Variants in COG7 observed in about 807,000 individuals in gnomAD.
COG7 encodes the protein conserved oligomeric Golgi complex subunit 7.
COG7 carries 49 observed loss-of-function variants against 91.5 expected under a neutral mutation model. The observed-to-expected ratio is 0.54, with a 90% CI of 0.43 to 0.68. The LOEUF is 0.68. Ranked by LOEUF, COG7 falls within the 30% of genes least tolerant of loss-of-function variation. COG7 has a pLI of 0.00. For missense variants in COG7, 895 were observed against 961.3 expected (o/e 0.93, Z 0.91); for synonymous variants, 365 against 388.7 (o/e 0.94, Z 0.72).
rs1406303301 is a variant in COG7, at chr16:23,388,824, T to G, written c.*96A>C. 1.3e-6 allele frequency: 2 copies of G among 1,593,374 alleles called. No homozygotes were observed. Among genetic ancestry groups the G allele is most frequent in the Non-Finnish European group, 1.7e-6 (2 of 1,171,486 alleles). On this transcript the variant is annotated 3_prime_UTR_variant, in exon 17 of 17. Transcript: ENST00000307149. ...TGAACCAAGTCTTTTTAAAGTAACT[T>G]CTGCCCAATCTTGGGCAGAGTTTCT...
intron 14 of COG7, among the ~76,000 whole-genome samples, chr16:23,394,238 C>T (rs566081152): frequency 6.6e-6 from 1 of 152,124 alleles, no homozygotes; most frequent in East Asian, 1.9e-4. Flanking sequence ...ATAGACAAAA[C>T]CTTGGCTGGT....
At chr16:23,428,399 A>G (rs1329333117) in intron 6 of COG7, among the ~76,000 whole-genome samples, 1 of 152,074 alleles carries the variant, frequency 6.6e-6, no homozygotes, top group African/African-American at 2.4e-5. Context: ...TCAATAATAA[A>G]AAGGCAAATA....
At chr16:23,443,452 G>A (rs912539160) in intron 3 of COG7, among the ~76,000 whole-genome samples, 6 of 152,204 alleles carry the variant, frequency 3.9e-5, no homozygotes, top group Non-Finnish European at 1.5e-5. Flanking sequence ...CAGCACTTTG[G>A]GAGGCCAAGG....
chr16:23,429,640 C>T (rs250552), intron 6 of COG7, among the ~76,000 whole-genome samples: 44,721 of 151,734 alleles, frequency 0.29, 7,590 homozygotes, highest in African/African-American at 0.47. Flanking sequence ...GGTGTGTGCC[C>T]GTAATCCCAG....
At chr16:23,432,572 A>G (rs1963951430) in intron 6 of COG7, among the ~76,000 whole-genome samples, 1 of 152,240 alleles carries the variant, frequency 6.6e-6, no homozygotes, top group Non-Finnish European at 1.5e-5. Context: ...GTAAGTCATT[A>G]CTGCAAAGTA....
chr16:23,392,466 C>T lies in COG7; in HGVS notation c.2060G>A (p.Arg687Lys). 1 of 1,614,206 alleles carries T rather than the reference C, an allele frequency of 6.2e-7. No homozygotes were observed. The highest frequency in any genetic ancestry group is 8.5e-7 in the Non-Finnish European group (1 of 1,180,046). ...MADNWLGSIA[R>K]ATMQTYCDAI... is the part of the protein sequence containing the mutation. Reference sequence around the variant, plus strand: ...ATCACAGTAGGTCTGCATTGTGGCTCTGGCGATCGAGCCCAGCCAGTTGTC... The same window carrying T: ...ATCACAGTAGGTCTGCATTGTGGCTTTGGCGATCGAGCCCAGCCAGTTGTC... Residue 687 changes from arginine (R) to lysine (K), a missense_variant, in exon 16 of 17, where the codon AGA becomes AAA. By Grantham distance (26) the Arg-to-Lys change is conservative. Transcript: ENST00000307149.
At chr16:23,392,070 T>C (rs1963206120) in intron 16 of COG7, 4 of 1,282,020 alleles carry the variant, frequency 3.1e-6, no homozygotes, top group Admixed American at 3.3e-5. Flanking sequence ...TTGGGAATTA[T>C]GGCACAAATG....
chr16:23,445,291 C>G (rs2142095928), intron 2 of COG7, 127 bp from the exon 3 acceptor site: 2 of 776,098 alleles, frequency 2.6e-6, no homozygotes, highest in Non-Finnish European at 4.7e-6. Flanking sequence ...CCCAAAACAC[C>G]AATCATCTGG....
chr16:23,397,992 A>G, intron 14 of COG7, 54 bp downstream of exon 14: 1 of 1,440,034 alleles, frequency 6.9e-7, no homozygotes, highest in Non-Finnish European at 9.8e-7. Flanking sequence ...ATCAAAAGAC[A>G]AGGAAGGTCT....
intron 7 of COG7, among the ~76,000 whole-genome samples, chr16:23,419,748 CA>C (rs60636268): frequency 0.017 from 913 of 55,224 alleles, 2 homozygotes; most frequent in African/African-American, 0.053. Context: ...GACTTCATCT[CA>C]AAAAAAAAAA....
intron 7 of COG7, among the ~76,000 whole-genome samples, chr16:23,419,640 T>G (rs1205654195): frequency 6.8e-6 from 1 of 147,592 alleles, no homozygotes; most frequent in Non-Finnish European, 1.5e-5. Context: ...TTCCTGCTAC[T>G]CGGGAGGCTG....
rs977607044 is a variant in COG7 at position 23,391,952 on chromosome 16, G to C, written c.2146+428C>G. Reference sequence around the variant, plus strand: ...TTCCCTATCGGTATGATGGAGAAGAGAGCACCCACCTCACAGGGGAGTTTG... The same window carrying C: ...TTCCCTATCGGTATGATGGAGAAGACAGCACCCACCTCACAGGGGAGTTTG... On this transcript the variant is annotated intron_variant, in intron 16 of 16. Transcript: ENST00000307149. The C allele has an allele frequency of 1.1e-5, 12 of 1,100,382 alleles. No individual in the cohort carries two copies. In the African/African-American group the frequency reaches 1.8e-4, roughly 16 times the overall value. 68.2% of individuals were successfully genotyped at this position (1,100,382 alleles called of 1,614,324 possible).
At chr16:23,439,378 T>C (rs149169478) in intron 4 of COG7, among the ~76,000 whole-genome samples, 136 of 149,644 alleles carry the variant, frequency 9.1e-4, no homozygotes, top group African/African-American at 3.2e-3. Flanking sequence ...CCTAAAGGAA[T>C]TGAAAGCTGG....
chr16:23,393,538 C>CAT, intron 14 of COG7, 191 bp from the exon 15 acceptor site: 1 of 602,220 alleles, frequency 1.7e-6, no homozygotes, highest in Non-Finnish European at 3.0e-6. Context: ...TGGTAGCTTG[C>CAT]ATATAGATTA....
intron 6 of COG7, among the ~76,000 whole-genome samples, chr16:23,428,302 T>G (rs936151958): frequency 2.0e-5 from 3 of 151,836 alleles, no homozygotes; most frequent in Non-Finnish European, 4.4e-5. Context: ...TGAGCCAAGA[T>G]CATGCCACTG....
chr16:23,390,075 C>G (rs1344912122), intron 16 of COG7: 1 of 152,264 alleles, frequency 6.6e-6, no homozygotes, highest in Admixed American at 6.5e-5. Context: ...GCCTTTCCCT[C>G]CTGCCTGGGC....
intron 4 of COG7, among the ~76,000 whole-genome samples, chr16:23,439,398 A>T (rs866990591): frequency 1.2e-4 from 19 of 152,292 alleles, no homozygotes; most frequent in African/African-American, 4.6e-4. Context: ...GAACTCAAAC[A>T]GACACTTGTA....
At chr16:23,397,608 T>C (rs902314270) in intron 14 of COG7, among the ~76,000 whole-genome samples, 1 of 152,218 alleles carries the variant, frequency 6.6e-6, no homozygotes, top group Non-Finnish European at 1.5e-5. Flanking sequence ...TTTGTTGCTA[T>C]GAAGTTAAAC....
At chr16:23,434,162 C>A (rs568477375) in intron 5 of COG7, among the ~76,000 whole-genome samples, 6 of 152,206 alleles carry the variant, frequency 3.9e-5, no homozygotes, top group Non-Finnish European at 7.3e-5. Flanking sequence ...GTAGTCCCAA[C>A]TCCTCACAAG....
Sources: allele counts gnomAD v4.1 joint callset (sites outside exome capture counted in the v4.1 genomes callset), GRCh38; gene constraint gnomAD v4.1.1; transcripts MANE v1.5; gene names NCBI Gene and HGNC (gene_info 2026-07-23, HGNC 2026-07-21).